Variants in DOCK5 observed in about 807,000 individuals in gnomAD.
DOCK5 encodes the protein dedicator of cytokinesis 5.
Under a neutral mutation model 251.8 loss-of-function variants are expected in DOCK5, and 142 were observed. That is an observed-to-expected ratio of 0.56 (90% CI 0.49 to 0.65). The LOEUF (loss-of-function observed/expected upper bound fraction) is 0.65. Among genes scored for constraint, DOCK5 ranks in the 30% least tolerant of loss-of-function variants. DOCK5 has a pLI of 0.00. For synonymous variants in DOCK5, 842 were observed against 835.5 expected, an observed-to-expected ratio of 1.01 and a Z score of -0.13; for missense variants, 2,111 against 2,312.3, an observed-to-expected ratio of 0.91 and a Z score of 1.79.
chr8:25,322,087 C>T (rs755837701), intron 16 of DOCK5, among the ~76,000 whole-genome samples: 155 of 152,292 alleles, frequency 1.0e-3, no homozygotes, highest in Non-Finnish European at 1.7e-3. Flanking sequence ...GTCTTATTCT[C>T]ATTTCGCACT....
Position 25,278,553 on chromosome 8 carries a change from G to T in DOCK5, c.225-16G>T. 2 of 1,613,504 alleles carry T rather than the reference G, an allele frequency of 1.2e-6. No homozygotes were observed. The highest frequency in any genetic ancestry group is 1.7e-6 in the Non-Finnish European group (2 of 1,179,578). The stretch of plus-strand genomic sequence containing the variant: ...ATCAGCCTAGAAGAAAGTGACCCTC[G>T]TTTGGTTCTTTGTAGGCAGCATGAA... On this transcript the variant is annotated splice_polypyrimidine_tract_variant and intron_variant, in intron 4 of 51. Transcript: ENST00000276440.
intron 21 of DOCK5, 57 bp from the exon 22 acceptor site, chr8:25,336,182 A>G: frequency 9.6e-6 from 15 of 1,565,234 alleles, no homozygotes; most frequent in Non-Finnish European, 1.3e-5. Flanking sequence ...TAACTTACCC[A>G]AGCCTCAGAG....
rs74938827 is a variant in DOCK5 at position 25,358,859 on chromosome 8, G to C, written c.2851-104G>C. On this transcript the variant is annotated intron_variant, in intron 27 of 51. Coordinates refer to ENST00000276440, the MANE Select transcript of DOCK5 (RefSeq NM_024940.8). ...GTTTCCAGTGTGGTGGGATACCTGC[G>C]TGGCTCAGTGGGTGGGAAAAGCCAA... 3.3e-6 allele frequency: 3 copies of C among 911,566 alleles called. No individual in the cohort carries two copies. In the South Asian group the frequency reaches 4.1e-5, roughly 13 times the overall value. The allele number at this position is 911,566 out of a possible 1,614,324, so 56.5% of individuals were successfully genotyped here.
At chr8:25,229,095 C>T (rs1386321742) in intron 1 of DOCK5, among the ~76,000 whole-genome samples, 1 of 150,992 alleles carries the variant, frequency 6.6e-6, no homozygotes, top group Non-Finnish European at 1.5e-5. Context: ...AATTGTGATG[C>T]AAGAATTTTA....
chr8:25,359,004 G>A lies in DOCK5; in HGVS notation c.2892G>A (p.Met964Ile). The change falls in exon 28 of 52, where the codon ATG becomes ATA. Residue 964 changes from methionine to isoleucine, a missense_variant. This residue lies in a region of DOCK5 where 1,717 missense variants were observed against 1,892.4 expected (regional missense o/e 0.91). Coordinates refer to ENST00000276440, the MANE Select transcript of DOCK5 (RefSeq NM_024940.8). ...GCATGATTGCCCTGCTGCAGCAAATGGACGACAGCCACTATAGCCACTACA... is the reference window on the plus strand; with the variant it reads ...GCATGATTGCCCTGCTGCAGCAAATAGACGACAGCCACTATAGCCACTACA... ...VACMIALLQQ[M>I]DDSHYSHYIS... The A allele has an allele frequency of 6.2e-7, 1 of 1,613,952 alleles. No homozygotes were observed.
chr8:25,296,284 A>AT (rs1293605442), intron 6 of DOCK5, among the ~76,000 whole-genome samples: 2 of 152,226 alleles, frequency 1.3e-5, no homozygotes, highest in Non-Finnish European at 2.9e-5. Flanking sequence ...TCTATGGACC[A>AT]TATTTGCATA....
At chr8:25,350,379 A>G (rs942255136) in intron 26 of DOCK5, among the ~76,000 whole-genome samples, 5 of 152,154 alleles carry the variant, frequency 3.3e-5, no homozygotes, top group African/African-American at 1.2e-4. Flanking sequence ...AAATGAGGGT[A>G]ATATCTAGCT....
At chr8:25,213,867 C>G (rs1251929221) in intron 1 of DOCK5, among the ~76,000 whole-genome samples, 5 of 152,124 alleles carry the variant, frequency 3.3e-5, no homozygotes, top group East Asian at 1.9e-4. Flanking sequence ...GATTAGTAAA[C>G]CTGTTACAGG....
At chr8:25,356,541 C>T (rs10102327) in intron 27 of DOCK5, among the ~76,000 whole-genome samples, 46,581 of 151,666 alleles carry the variant, frequency 0.31, 7,200 homozygotes, top group East Asian at 0.35. Context: ...GTGACATGCG[C>T]CTGTAATCCC....
At position 25,395,739 on chromosome 8, in the gene DOCK5, C is replaced by T; in HGVS notation, c.4704+20C>T. 6.2e-7 allele frequency: 1 copy of T among 1,606,992 alleles called. No individual in the cohort carries two copies. Among genetic ancestry groups the T allele is most frequent in the Non-Finnish European group, 8.5e-7 (1 of 1,177,606 alleles). On this transcript the variant is annotated intron_variant, in intron 45 of 51. Transcript: ENST00000276440. ...GAAAAGGTTCGCTTGGTCCCAGAAT[C>T]CCCTAGGGATTCACAGACCTGGGTG...
chr8:25,280,064 C>T (rs1804148771), intron 5 of DOCK5, among the ~76,000 whole-genome samples: 1 of 152,228 alleles, frequency 6.6e-6, no homozygotes, highest in African/African-American at 2.4e-5. Context: ...TGTGCCCCGC[C>T]CACAAAGACT....
chr8:25,358,069 G>A (rs949295146), intron 27 of DOCK5, among the ~76,000 whole-genome samples: 3 of 152,110 alleles, frequency 2.0e-5, no homozygotes, highest in Admixed American at 2.0e-4. Context: ...TGGCTGAAGG[G>A]CTCTGGAGTT....
At chr8:25,309,752 CAA>C (rs1314803042) in intron 12 of DOCK5, among the ~76,000 whole-genome samples, 1 of 151,636 alleles carries the variant, frequency 6.6e-6, no homozygotes, top group Non-Finnish European at 1.5e-5. Context: ...ACTCGGGAGG[CAA>C]AAGTTTCAGT....
At chr8:25,333,062 C>T (rs1406760956) in intron 20 of DOCK5, among the ~76,000 whole-genome samples, 1 of 152,184 alleles carries the variant, frequency 6.6e-6, no homozygotes, top group Non-Finnish European at 1.5e-5. Context: ...ATTCACAAGT[C>T]AGAGGTGAAT....
intron 2 of DOCK5, among the ~76,000 whole-genome samples, chr8:25,247,596 A>G (rs1803151967): frequency 6.6e-6 from 1 of 150,616 alleles, no homozygotes; most frequent in African/African-American, 2.5e-5. Context: ...CCCTGTCTCA[A>G]AAAGAAAAAA....
intron 26 of DOCK5, among the ~76,000 whole-genome samples, chr8:25,345,834 C>T (rs1213619073): frequency 2.6e-5 from 4 of 151,822 alleles, no homozygotes; most frequent in Admixed American, 2.0e-4. Flanking sequence ...GCCCAGTGTG[C>T]GCACTATTGA....
chr8:25,224,746 C>G (rs914558953), intron 1 of DOCK5, among the ~76,000 whole-genome samples: 1 of 152,178 alleles, frequency 6.6e-6, no homozygotes, highest in African/African-American at 2.4e-5. Flanking sequence ...AGGCAACCCC[C>G]ATGTGTTTTA....
intron 2 of DOCK5, among the ~76,000 whole-genome samples, chr8:25,245,822 G>T (rs1395942673): frequency 6.6e-6 from 1 of 152,154 alleles, no homozygotes. Context: ...TTACAGGTGT[G>T]AGCCACCATG....
intron 51 of DOCK5, 89 bp from the exon 52 acceptor site, chr8:25,411,105 C>A: frequency 7.2e-7 from 1 of 1,387,902 alleles, no homozygotes; most frequent in Non-Finnish European, 9.4e-7. Context: ...CAATTAGAAG[C>A]TAAAGCAGAA....
Sources: allele counts gnomAD v4.1 joint callset (sites outside exome capture counted in the v4.1 genomes callset), GRCh38; gene constraint gnomAD v4.1.1; regional missense constraint gnomAD v4.1.1; transcripts MANE v1.5; gene names NCBI Gene and HGNC (gene_info 2026-07-23, HGNC 2026-07-21).